The following CSTPP1 variants were observed in gnomAD, a reference collection of about 807,000 sequenced individuals.
CSTPP1 encodes UPF0705 protein C11orf49.
At chr11:46,993,404 T>C in the CSTPP1 span, among the ~76,000 whole-genome samples, 2 of 151,698 alleles carry the variant, frequency 1.3e-5, no homozygotes, top group East Asian at 3.8e-4. Context: ...GTTTTTATGG[T>C]TTTAGGTCTG....
the CSTPP1 span, among the ~76,000 whole-genome samples, chr11:47,144,449 CAA>C: frequency 2.0e-5 from 3 of 152,210 alleles, no homozygotes; most frequent in South Asian, 6.2e-4. Flanking sequence ...CTCAGCCTCC[CAA>C]AATACTGGGA....
At chr11:46,972,102 C>T in the CSTPP1 span, among the ~76,000 whole-genome samples, 1 of 152,128 alleles carries the variant, frequency 6.6e-6, no homozygotes, top group Non-Finnish European at 1.5e-5. Flanking sequence ...TCAACTTGGT[C>T]CCTCTAACAA....
At chr11:47,052,040 A>G in the CSTPP1 span, 8 of 158,642 alleles carry the variant, frequency 5.0e-5, no homozygotes, top group African/African-American at 1.9e-4. Context: ...AGTAGAGGGA[A>G]AAGTATTCTC....
the CSTPP1 span, among the ~76,000 whole-genome samples, chr11:47,054,105 C>G: frequency 3.7e-4 from 56 of 150,270 alleles, no homozygotes; most frequent in African/African-American, 1.3e-3. Flanking sequence ...GTCAGGAGAT[C>G]GAGACCATCC....
At chr11:46,977,874 C>T in the CSTPP1 span, among the ~76,000 whole-genome samples, 18 of 152,084 alleles carry the variant, frequency 1.2e-4, no homozygotes, top group Non-Finnish European at 1.5e-4. Context: ...AGTGCCTTCT[C>T]ATTGGAATAG....
At chr11:47,139,386 G>C in the CSTPP1 span, among the ~76,000 whole-genome samples, 2 of 152,172 alleles carry the variant, frequency 1.3e-5, no homozygotes, top group Non-Finnish European at 2.9e-5. Flanking sequence ...AGAAGGGCCT[G>C]AAAGCAGCTG....
At chr11:47,122,745 A>G in the CSTPP1 span, among the ~76,000 whole-genome samples, 32 of 152,002 alleles carry the variant, frequency 2.1e-4, no homozygotes, top group Non-Finnish European at 2.6e-4. Flanking sequence ...GTGCCTGGCT[A>G]ATTTTTGTAT....
the CSTPP1 span, among the ~76,000 whole-genome samples, chr11:47,162,456 G>A: frequency 2.0e-5 from 3 of 152,210 alleles, no homozygotes; most frequent in African/African-American, 7.2e-5. Context: ...TCAGGAAACA[G>A]GTTCAGAGGG....
At chr11:47,093,784 A>G in the CSTPP1 span, among the ~76,000 whole-genome samples, 3 of 152,240 alleles carry the variant, frequency 2.0e-5, no homozygotes, top group South Asian at 6.2e-4. Flanking sequence ...GAGATAATGC[A>G]TGAGAATTGT....
At chr11:47,002,925 T>C in the CSTPP1 span, among the ~76,000 whole-genome samples, 1 of 152,188 alleles carries the variant, frequency 6.6e-6, no homozygotes, top group Admixed American at 6.5e-5. Flanking sequence ...CTCTGATAAT[T>C]CCCTGAATAC....
chr11:47,122,069 C>CAAAAAAAAAAAAAA, the CSTPP1 span, among the ~76,000 whole-genome samples: 8 of 21,988 alleles, frequency 3.6e-4, no homozygotes, highest in Admixed American at 8.0e-4. Flanking sequence ...GACCCTGTCT[C>CAAAAAAAAAAAAAA]AAAAAAAAAA....
At chr11:47,161,476 C>T in the CSTPP1 span, 8 of 1,613,968 alleles carry the variant, frequency 5.0e-6, no homozygotes, top group Non-Finnish European at 5.9e-6. Flanking sequence ...TGGCCCAGGT[C>T]CCAGGCCTGG....
chr11:47,132,584 A>T, the CSTPP1 span, among the ~76,000 whole-genome samples: 8 of 152,360 alleles, frequency 5.3e-5, no homozygotes, highest in African/African-American at 1.9e-4. Context: ...AGCTTGTCTA[A>T]GTCATGCTGG....
chr11:46,967,063 G>A, the CSTPP1 span, among the ~76,000 whole-genome samples: 2 of 152,068 alleles, frequency 1.3e-5, no homozygotes, highest in Non-Finnish European at 2.9e-5. Flanking sequence ...TTTTGATAAA[G>A]TGTAACATCA....
chr11:47,015,877 A>C, the CSTPP1 span, among the ~76,000 whole-genome samples: 4 of 152,172 alleles, frequency 2.6e-5, no homozygotes, highest in Non-Finnish European at 5.9e-5. Flanking sequence ...AACCCACCAT[A>C]TAAAAAGAAA....
chr11:47,156,588 A>G, the CSTPP1 span, among the ~76,000 whole-genome samples: 296 of 152,318 alleles, frequency 1.9e-3, no homozygotes, highest in African/African-American at 7.0e-3. Flanking sequence ...TCACTCCTCC[A>G]AAAAATATTT....
chr11:46,971,640 T>C, the CSTPP1 span, among the ~76,000 whole-genome samples: 1 of 152,274 alleles, frequency 6.6e-6, no homozygotes, highest in Non-Finnish European at 1.5e-5. Context: ...ACATTGATCT[T>C]CTAATTTTTT....
At chr11:47,155,081 C>G in the CSTPP1 span, 2 of 967,012 alleles carry the variant, frequency 2.1e-6, no homozygotes, top group Admixed American at 1.7e-5. Flanking sequence ...CTCTCCCTCT[C>G]CCCCGCACTT....
At chr11:47,016,404 C>CAAAAAAAAAAAAAAAAAA in the CSTPP1 span, among the ~76,000 whole-genome samples, 1 of 30,254 alleles carries the variant, frequency 3.3e-5, no homozygotes, top group South Asian at 1.3e-3. Context: ...AAACAAAAAA[C>CAAAAAAAAAAAAAAAAAA]AAAAAACAAA....
Sources: allele counts gnomAD v4.1 joint callset (sites outside exome capture counted in the v4.1 genomes callset), GRCh38; gene constraint gnomAD v4.1.1; transcripts MANE v1.5; gene names NCBI Gene and HGNC (gene_info 2026-07-23, HGNC 2026-07-21).